Variants in EYS observed in about 807,000 individuals in gnomAD.
EYS encodes the protein protein eyes shut homolog.
In EYS, 250 loss-of-function variants were observed where a neutral mutation model predicts 282.1. The observed-to-expected ratio is 0.89, with a 90% confidence interval of 0.80 to 0.98. The LOEUF is 0.98. EYS is among the 50% of genes least tolerant of loss of function. The probability of loss-of-function intolerance (pLI) is 0.00; values close to 1 mark genes in which losing one functional copy is unlikely to be tolerated. For synonymous variants in EYS, 1,355 were observed against 1,282.9 expected (o/e 1.06, Z -1.20); for missense variants, 4,016 against 3,709.0 (o/e 1.08, Z -2.15).
chr6:65,589,838 G>C (rs772951052), intron 2 of EYS, among the ~76,000 whole-genome samples: 4 of 151,852 alleles, frequency 2.6e-5, no homozygotes, highest in Non-Finnish European at 5.9e-5. Flanking sequence ...GTTTTGGGGG[G>C]TGATAATGGC....
intron 5 of EYS, among the ~76,000 whole-genome samples, chr6:65,443,121 T>C (rs949312616): frequency 6.8e-6 from 1 of 146,856 alleles, no homozygotes; most frequent in Non-Finnish European, 1.5e-5. Context: ...GTGGATCATA[T>C]ATGTACACAT....
Position 65,491,749 on chromosome 6 carries a change from C to T in EYS, c.749-1042G>A, listed in dbSNP as rs1189145031. 3.3e-5 allele frequency among the ~76,000 whole-genome samples: 5 copies of T among 152,072 alleles called. No individual in the cohort carries two copies. The East Asian group carries it at 5.8e-4, about 18-fold the overall frequency. ...TATGAGCTAAATTGTGCCCACCCAC[C>T]GCCGCCAAATTCATATGTTGAAGTC... is the stretch of plus-strand genomic sequence containing the variant. On this transcript the variant is annotated intron_variant, in intron 4 of 42. Coordinates refer to ENST00000503581, the MANE Select transcript of EYS (RefSeq NM_001142800.2).
intron 26 of EYS, among the ~76,000 whole-genome samples, chr6:64,553,153 C>A (rs555249670): frequency 5.9e-5 from 9 of 152,104 alleles, no homozygotes; most frequent in African/African-American, 2.2e-4. Context: ...TGTCATGGGG[C>A]CAAGGTCACT....
intron 26 of EYS, among the ~76,000 whole-genome samples, chr6:64,545,402 A>T (rs1582876670): frequency 6.6e-6 from 1 of 152,180 alleles, no homozygotes; most frequent in African/African-American, 2.4e-5. Flanking sequence ...TGACAAACCC[A>T]CAGCCAATAT....
intron 30 of EYS, among the ~76,000 whole-genome samples, chr6:64,268,124 ATCAT>A (rs1254593086): frequency 6.6e-6 from 1 of 152,118 alleles, no homozygotes; most frequent in Non-Finnish European, 1.5e-5. Context: ...CAAATCCATC[ATCAT>A]AGGAATGTAA....
At chr6:64,664,061 C>T (rs1328216258) in intron 22 of EYS, among the ~76,000 whole-genome samples, 1 of 152,170 alleles carries the variant, frequency 6.6e-6, no homozygotes, top group African/African-American at 2.4e-5. Flanking sequence ...AAGTAAGCGG[C>T]AGGTCTGCAA....
chr6:65,373,699 T>C (rs559661952), intron 8 of EYS, among the ~76,000 whole-genome samples: 59 of 152,290 alleles, frequency 3.9e-4, no homozygotes, highest in African/African-American at 1.4e-3. Context: ...AATGGATTCA[T>C]CTTTTATTAT....
intron 22 of EYS, among the ~76,000 whole-genome samples, chr6:64,715,730 A>G (rs148175704): frequency 6.1e-4 from 93 of 152,330 alleles, no homozygotes; most frequent in African/African-American, 2.1e-3. Flanking sequence ...AAAAATCCCA[A>G]TGCTCACTCA....
intron 26 of EYS, among the ~76,000 whole-genome samples, chr6:64,478,711 A>G (rs150678073): frequency 6.6e-5 from 10 of 151,116 alleles, no homozygotes; most frequent in African/African-American, 1.4e-4. Flanking sequence ...TACAATCCCA[A>G]TTTAATATGG....
chr6:64,656,118 T>C (rs780832230), intron 22 of EYS, among the ~76,000 whole-genome samples: 23 of 152,150 alleles, frequency 1.5e-4, no homozygotes, highest in Non-Finnish European at 2.8e-4. Flanking sequence ...GTAGGTTTCA[T>C]ACAGTGATGA....
intron 5 of EYS, among the ~76,000 whole-genome samples, chr6:65,443,087 ACATG>A (rs1238098196): frequency 6.6e-6 from 1 of 151,882 alleles, no homozygotes; most frequent in Non-Finnish European, 1.5e-5. Context: ...GTCTATACAT[ACATG>A]CATATGCATA....
intron 26 of EYS, among the ~76,000 whole-genome samples, chr6:64,485,837 T>C (rs544260064): frequency 3.5e-4 from 53 of 151,576 alleles, no homozygotes; most frequent in African/African-American, 1.3e-3. Flanking sequence ...CTAAGGGTTA[T>C]TGAAGTAGAC....
chr6:64,744,120 C>G (rs1772473495), intron 22 of EYS, among the ~76,000 whole-genome samples: 1 of 151,940 alleles, frequency 6.6e-6, no homozygotes, highest in African/African-American at 2.4e-5. Flanking sequence ...TCTTATGTTT[C>G]TAATATTTAA....
intron 8 of EYS, among the ~76,000 whole-genome samples, chr6:65,378,838 A>G (rs970847140): frequency 1.3e-5 from 2 of 152,098 alleles, no homozygotes; most frequent in African/African-American, 4.8e-5. Flanking sequence ...GAACAATGAG[A>G]ACACATGGAG....
At chr6:65,393,088 C>T (rs1447080010) in intron 7 of EYS, among the ~76,000 whole-genome samples, 1 of 151,296 alleles carries the variant, frequency 6.6e-6, no homozygotes, top group Admixed American at 6.6e-5. Context: ...AACCAAACAC[C>T]ACATGTTCTC....
At chr6:63,735,324 T>G (rs1302005629) in intron 41 of EYS, among the ~76,000 whole-genome samples, 1 of 152,134 alleles carries the variant, frequency 6.6e-6, no homozygotes, top group Non-Finnish European at 1.5e-5. Context: ...TATAATTTTT[T>G]ATAACTCACT....
At chr6:64,540,610 G>A (rs1335823326) in intron 26 of EYS, among the ~76,000 whole-genome samples, 1 of 150,974 alleles carries the variant, frequency 6.6e-6, no homozygotes, top group Admixed American at 6.6e-5. Flanking sequence ...AGCCTCCTGA[G>A]TAGCTGGGAT....
At chr6:63,811,923 G>A (rs539261728) in intron 36 of EYS, among the ~76,000 whole-genome samples, 4 of 152,138 alleles carry the variant, frequency 2.6e-5, no homozygotes, top group East Asian at 1.9e-4. Flanking sequence ...TTACACTGCC[G>A]CTTTTCACTG....
At chr6:64,741,535 T>A (rs190340806) in intron 22 of EYS, among the ~76,000 whole-genome samples, 1 of 152,324 alleles carries the variant, frequency 6.6e-6, no homozygotes, top group Admixed American at 6.5e-5. Flanking sequence ...AGGCACTGAA[T>A]TCTCTCTATC....
Sources: gnomAD v4.1 joint callset for allele counts (sites outside exome capture counted in the v4.1 genomes callset) on GRCh38, gnomAD v4.1.1 for gene constraint, MANE v1.5 for transcripts, NCBI Gene and HGNC (gene_info 2026-07-23, HGNC 2026-07-21) for gene names.